Variants in FGF12 observed in about 807,000 individuals in gnomAD.
FGF12 encodes the protein fibroblast growth factor 12B.
A neutral mutation model predicts 23.6 loss-of-function variants in FGF12; 14 were observed. The observed-to-expected ratio is 0.59, with a 90% CI of 0.39 to 0.93. FGF12 has a LOEUF of 0.93. FGF12 is among the 40% of genes least tolerant of loss of function. The pLI is 0.00. For missense variants in FGF12, 175 were observed against 217.8 expected, an observed-to-expected ratio of 0.80 and a Z score of 1.24; for synonymous variants, 62 against 77.3, an observed-to-expected ratio of 0.80 and a Z score of 1.04.
chr3:192,646,565 A>G (rs1040960247), intron 2 of FGF12, among the ~76,000 whole-genome samples: 5 of 152,222 alleles, frequency 3.3e-5, no homozygotes, highest in Non-Finnish European at 7.4e-5. Flanking sequence ...TATGTACTGC[A>G]AGAATGACCC....
intron 2 of FGF12, among the ~76,000 whole-genome samples, chr3:192,372,146 C>A (rs1275875276): frequency 2.0e-5 from 3 of 152,146 alleles, no homozygotes; most frequent in African/African-American, 7.2e-5. Context: ...ACAGACACAT[C>A]TTTTGGCACC....
rs1711660280 is a variant in FGF12 at position 192,247,066 on chromosome 3, AAGGAAGGAAG to A, written c.229-76420_229-76411del. ...GAAGGAAGGAAGGAAGGAAGGAAGG[AAGGAAGGAAG>A]GAAGGAAGGAAGGAAGGAAGGAAGG... is the stretch of plus-strand genomic sequence containing the variant. On this transcript the variant is annotated intron_variant, in intron 4 of 5. Transcript: ENST00000445105. Among the ~76,000 whole-genome samples, 8 of 146,366 alleles carry A rather than the reference AAGGAAGGAAG, an allele frequency of 5.5e-5. No homozygotes were observed. The South Asian group carries it at 1.6e-3, about 30-fold the overall frequency.
chr3:192,297,460 G>C (rs1285496234), intron 4 of FGF12, among the ~76,000 whole-genome samples: 1 of 152,142 alleles, frequency 6.6e-6, no homozygotes, highest in Non-Finnish European at 1.5e-5. Flanking sequence ...CATATCTAAA[G>C]AAAAGAATAT....
intron 4 of FGF12, among the ~76,000 whole-genome samples, chr3:192,233,360 G>A (rs527427574): frequency 2.6e-5 from 4 of 152,064 alleles, no homozygotes; most frequent in Non-Finnish European, 2.9e-5. Context: ...CTTTGGAAAC[G>A]TGTCCATTTG....
chr3:192,217,581 T>C (rs923448065), intron 4 of FGF12, among the ~76,000 whole-genome samples: 1 of 152,192 alleles, frequency 6.6e-6, no homozygotes. Context: ...CCAAGTCTCT[T>C]TGCCATCATG....
At chr3:192,161,264 TG>T (rs1330232032) in intron 5 of FGF12, among the ~76,000 whole-genome samples, 1 of 152,124 alleles carries the variant, frequency 6.6e-6, no homozygotes, top group African/African-American at 2.4e-5. Context: ...ATTCAGGAGA[TG>T]GGGCCTAGCA....
At chr3:192,712,068 T>C (rs975110859) in intron 2 of FGF12, among the ~76,000 whole-genome samples, 1 of 151,016 alleles carries the variant, frequency 6.6e-6, no homozygotes, top group African/African-American at 2.4e-5. Context: ...CAAATAAGCC[T>C]CTTGGAAATT....
At chr3:192,350,836 A>T (rs999013549) in intron 3 of FGF12, among the ~76,000 whole-genome samples, 2 of 152,192 alleles carry the variant, frequency 1.3e-5, no homozygotes. Context: ...CAAAGAAGTG[A>T]GTTTATTTCG....
chr3:192,396,203 C>T (rs1028767227), intron 2 of FGF12, among the ~76,000 whole-genome samples: 10 of 152,138 alleles, frequency 6.6e-5, no homozygotes, highest in Non-Finnish European at 1.2e-4. Context: ...AAAACTATAA[C>T]TTGGAACACA....
At chr3:192,411,780 G>T (rs1721208075) in intron 2 of FGF12, among the ~76,000 whole-genome samples, 1 of 152,178 alleles carries the variant, frequency 6.6e-6, no homozygotes, top group African/African-American at 2.4e-5. Context: ...AGTAGCCAGA[G>T]AAATAGGCAA....
intron 2 of FGF12, among the ~76,000 whole-genome samples, chr3:192,691,380 GAA>G (rs552926546): frequency 1.3e-5 from 2 of 151,680 alleles, no homozygotes; most frequent in African/African-American, 4.8e-5. Context: ...AATAAAAGGA[GAA>G]AAATCTAGAA....
intron 2 of FGF12, among the ~76,000 whole-genome samples, chr3:192,586,244 A>G (rs1713369772): frequency 6.6e-6 from 1 of 152,178 alleles, no homozygotes; most frequent in Admixed American, 6.5e-5. Context: ...CCTGGAACAA[A>G]TGAAATACTG....
In FGF12 at chr3:192,232,777, T is replaced by C. The variant is rs560730588; in HGVS notation, c.229-62121A>G. Among the ~76,000 whole-genome samples, 12 of 152,258 alleles carry C rather than the reference T, an allele frequency of 7.9e-5. No homozygotes were observed. The South Asian group carries it at 2.3e-3, about 29-fold the overall frequency. On this transcript the variant is annotated intron_variant, in intron 4 of 5. Transcript: ENST00000445105. ...TCCATATGTACTCAATGTTTAGCTC[T>C]CACTGATAAATGAGAACGTGTGATA...
rs551450512 is a variant in FGF12, at chr3:192,641,025, G to T, written c.13+86156C>A. On this transcript the variant is annotated intron_variant, in intron 2 of 5. Transcript: ENST00000445105. ...AGACAGAGGCTGTGTTGCCCAGGAT[G>T]GTCTCAATGATCCACCTGCCTCAGC... Among the ~76,000 whole-genome samples, 6 of 151,902 alleles carry T rather than the reference G, an allele frequency of 3.9e-5. No homozygotes were observed. In the South Asian group the frequency reaches 1.2e-3, roughly 32 times the overall value.
chr3:192,607,197 C>G (rs1007780618), intron 2 of FGF12, among the ~76,000 whole-genome samples: 3 of 152,098 alleles, frequency 2.0e-5, no homozygotes, highest in African/African-American at 7.2e-5. Context: ...TAAAGTTGGA[C>G]AAAAACCCAC....
At chr3:192,290,288 A>G (rs66944117) in intron 4 of FGF12, among the ~76,000 whole-genome samples, 9,092 of 152,230 alleles carry the variant, frequency 0.06, 299 homozygotes, top group South Asian at 0.083. Flanking sequence ...ATCAGTCTGT[A>G]CCTCATAAGT....
At chr3:192,492,108 C>T (rs115088470) in intron 2 of FGF12, among the ~76,000 whole-genome samples, 1,873 of 152,088 alleles carry the variant, frequency 0.012, 33 homozygotes, top group African/African-American at 0.043. Flanking sequence ...TTGGTGGCAT[C>T]GCAGGAAGAA....
At chr3:192,593,665 A>G (rs1713720644) in intron 2 of FGF12, among the ~76,000 whole-genome samples, 1 of 151,956 alleles carries the variant, frequency 6.6e-6, no homozygotes, top group African/African-American at 2.4e-5. Context: ...AACGAACCGA[A>G]AAACAATCTC....
intron 2 of FGF12, among the ~76,000 whole-genome samples, chr3:192,651,727 T>C (rs530897659): frequency 6.6e-6 from 1 of 152,316 alleles, no homozygotes; most frequent in African/African-American, 2.4e-5. Context: ...CATATTTATA[T>C]AGGATTTACA....
Sources: allele counts gnomAD v4.1 joint callset (sites outside exome capture counted in the v4.1 genomes callset), GRCh38; gene constraint gnomAD v4.1.1; transcripts MANE v1.5; gene names NCBI Gene and HGNC (gene_info 2026-07-23, HGNC 2026-07-21).